The following MCC variants were observed in gnomAD, a reference collection of about 807,000 sequenced individuals.
MCC encodes the protein colorectal mutant cancer protein.
In MCC, 90 loss-of-function variants were observed where a neutral mutation model predicts 116.2. The observed-to-expected ratio is 0.77, with a 90% CI of 0.65 to 0.92. The LOEUF is 0.92. MCC is among the 40% of genes least tolerant of loss of function. MCC has a pLI of 0.00. For missense variants in MCC, 1,516 were observed against 1,312.2 expected, an observed-to-expected ratio of 1.16 and a Z score of -2.40; for synonymous variants, 578 against 510.5, an observed-to-expected ratio of 1.13 and a Z score of -1.78.
chr5:113,362,686 T>A (rs1346901738), intron 2 of MCC, among the ~76,000 whole-genome samples: 1 of 152,138 alleles, frequency 6.6e-6, no homozygotes, highest in Non-Finnish European at 1.5e-5. Context: ...AATTGTTACA[T>A]CTTTCTAACA....
chr5:113,128,515 G>A (rs1007630598), intron 5 of MCC, among the ~76,000 whole-genome samples: 2 of 152,286 alleles, frequency 1.3e-5, no homozygotes, highest in East Asian at 1.9e-4. Flanking sequence ...TAAAGTCCTC[G>A]TTCTTTCTTC....
chr5:113,083,515 T>A (rs1024814285), intron 10 of MCC, among the ~76,000 whole-genome samples: 1 of 152,176 alleles, frequency 6.6e-6, no homozygotes, highest in Non-Finnish European at 1.5e-5. Flanking sequence ...CCTCTGAGGA[T>A]CAAATAGCTG....
At chr5:113,129,534 G>A (rs1353978666) in intron 5 of MCC, among the ~76,000 whole-genome samples, 2 of 152,190 alleles carry the variant, frequency 1.3e-5, no homozygotes, top group Non-Finnish European at 2.9e-5. Context: ...TCTGGTGAGG[G>A]CTCTTCCTGG....
intron 17 of MCC, among the ~76,000 whole-genome samples, chr5:113,043,327 C>T (rs909200314): frequency 4.6e-5 from 7 of 152,206 alleles, no homozygotes; most frequent in Non-Finnish European, 8.8e-5. Context: ...CAATGACTGC[C>T]TAAGTGCTGT....
rs114344828 is a variant in MCC at position 113,314,340 on chromosome 5, G to A, written c.627+26179C>T. Among the ~76,000 whole-genome samples, 959 of 152,302 alleles carry A rather than the reference G, an allele frequency of 6.3e-3. 8 individuals are homozygous for A. Among genetic ancestry groups the A allele is most frequent in the African/African-American group, 0.022 (896 of 41,578 alleles). ...ACTTGGGAGTGAAGGCTGGATGACT[G>A]TGTCCTTCAGTTTTAAAGATTTTTA... is the stretch of plus-strand genomic sequence containing the variant. On this transcript the variant is annotated intron_variant, in intron 3 of 18. Coordinates refer to ENST00000408903, the MANE Select transcript of MCC (RefSeq NM_001085377.2).
intron 2 of MCC, among the ~76,000 whole-genome samples, chr5:113,353,536 T>C (rs1186777550): frequency 6.6e-6 from 1 of 152,202 alleles, no homozygotes; most frequent in Non-Finnish European, 1.5e-5. Flanking sequence ...CTTACACACA[T>C]AAATTGCCTA....
At chr5:113,398,087 TCAA>T (rs1375852205) in intron 1 of MCC, among the ~76,000 whole-genome samples, 1 of 152,208 alleles carries the variant, frequency 6.6e-6, no homozygotes, top group Non-Finnish European at 1.5e-5. Context: ...GAAAAAATGC[TCAA>T]CATCACTAAT....
At chr5:113,465,942 T>A (rs570068961) in intron 1 of MCC, among the ~76,000 whole-genome samples, 12 of 142,996 alleles carry the variant, frequency 8.4e-5, no homozygotes, top group African/African-American at 3.0e-4. Context: ...TTAACCCACA[T>A]TTTTTTTTTT....
intron 3 of MCC, among the ~76,000 whole-genome samples, chr5:113,216,911 C>T (rs1384845859): frequency 2.6e-5 from 4 of 152,202 alleles, no homozygotes; most frequent in Non-Finnish European, 4.4e-5. Context: ...CACAGGGTGG[C>T]TATGAAACCA....
intron 14 of MCC, among the ~76,000 whole-genome samples, chr5:113,059,097 T>C (rs576355186): frequency 5.3e-5 from 8 of 152,072 alleles, no homozygotes; most frequent in African/African-American, 1.9e-4. Flanking sequence ...GGGAAGGCTT[T>C]TGTTTCACCC....
At chr5:113,082,211 G>A (rs1561791478) in intron 11 of MCC, among the ~76,000 whole-genome samples, 2 of 152,368 alleles carry the variant, frequency 1.3e-5, no homozygotes, top group South Asian at 2.1e-4. Context: ...ATAAAATGGG[G>A]TATATGGTAA....
chr5:113,160,729 AT>A (rs1214051143), intron 3 of MCC, among the ~76,000 whole-genome samples: 5 of 152,242 alleles, frequency 3.3e-5, no homozygotes, highest in Non-Finnish European at 7.3e-5. Context: ...CACAATTAGC[AT>A]GGGGGATAGA....
chr5:113,186,261 G>T (rs995448155), intron 3 of MCC, among the ~76,000 whole-genome samples: 1 of 152,190 alleles, frequency 6.6e-6, no homozygotes, highest in Non-Finnish European at 1.5e-5. Flanking sequence ...GGCAGGGGAC[G>T]TGCCAGCAGG....
chr5:113,309,112 A>T (rs1484862465), intron 3 of MCC, among the ~76,000 whole-genome samples: 4 of 152,214 alleles, frequency 2.6e-5, no homozygotes, highest in Non-Finnish European at 5.9e-5. Context: ...CTCTTACAGA[A>T]TTTCCTAACA....
chr5:113,096,548 A>G (rs1756035024), intron 8 of MCC, among the ~76,000 whole-genome samples: 1 of 152,120 alleles, frequency 6.6e-6, no homozygotes, highest in Admixed American at 6.5e-5. Flanking sequence ...TGCATCAGAA[A>G]CTTGTACTGT....
intron 1 of MCC, among the ~76,000 whole-genome samples, chr5:113,428,428 T>C (rs879357430): frequency 6.6e-6 from 1 of 152,202 alleles, no homozygotes; most frequent in Admixed American, 6.5e-5. Context: ...TCCTGGGAAC[T>C]GCTTTCTGTG....
chr5:113,386,580 A>T (rs1026046853), intron 1 of MCC, among the ~76,000 whole-genome samples: 3 of 152,060 alleles, frequency 2.0e-5, no homozygotes, highest in Non-Finnish European at 4.4e-5. Flanking sequence ...GTTTCTAAAT[A>T]AATGTAAAAG....
intron 17 of MCC, among the ~76,000 whole-genome samples, chr5:113,031,391 G>T (rs1366300251): frequency 1.3e-5 from 2 of 152,046 alleles, no homozygotes; most frequent in African/African-American, 4.8e-5. Flanking sequence ...GTTGCAGGAG[G>T]GGGGCTCCTT....
At chr5:113,404,812 C>G (rs1045137352) in intron 1 of MCC, among the ~76,000 whole-genome samples, 3 of 119,900 alleles carry the variant, frequency 2.5e-5, no homozygotes, top group Non-Finnish European at 5.2e-5. Flanking sequence ...CAAAATCAAT[C>G]AAGTTAAAAA....
Sources: allele counts gnomAD v4.1 joint callset (sites outside exome capture counted in the v4.1 genomes callset), GRCh38; gene constraint gnomAD v4.1.1; transcripts MANE v1.5; gene names NCBI Gene and HGNC (gene_info 2026-07-23, HGNC 2026-07-21).